Variants in PCDH11Y observed in about 807,000 individuals in gnomAD.
The protein encoded by PCDH11Y is protocadherin-11 Y-linked.
For synonymous variants in PCDH11Y, 9 were observed against 83.6 expected (o/e 0.11, Z 4.87); for missense variants, 12 against 224.8 (o/e 0.05, Z 6.05).
intron 2 of PCDH11Y, among the ~76,000 whole-genome samples, chrY:5,460,643 C>T: frequency 3.0e-5 from 1 of 32,872 alleles, no homozygotes; most frequent in African/African-American, 1.2e-4. Context: ...TTTATCTTAC[C>T]ATCTTCTCAG....
intron 4 of PCDH11Y, among the ~76,000 whole-genome samples, chrY:5,637,039 G>C: frequency 3.1e-5 from 1 of 32,360 alleles, no homozygotes; most frequent in African/African-American, 1.2e-4. Context: ...TTCTCTATTT[G>C]TAAAAAATGT....
At chrY:5,557,287 C>A (rs2053423792) in intron 3 of PCDH11Y, among the ~76,000 whole-genome samples, 1 of 33,051 alleles carries the variant, frequency 3.0e-5, no homozygotes, top group Non-Finnish European at 7.5e-5. Flanking sequence ...ATTAAGTCTT[C>A]CAATCCATGA....
At chrY:5,481,472 C>T (rs2124685802) in intron 2 of PCDH11Y, among the ~76,000 whole-genome samples, 18 of 32,842 alleles carry the variant, frequency 5.5e-4, no homozygotes, top group African/African-American at 2.0e-3. Context: ...GGAGCTGTGC[C>T]TATTCGGCCA....
At chrY:5,635,477 G>T in intron 4 of PCDH11Y, among the ~76,000 whole-genome samples, 1 of 32,804 alleles carries the variant, frequency 3.0e-5, no homozygotes, top group East Asian at 7.9e-4. Flanking sequence ...AACAGAACAG[G>T]ACTAAACAAA....
At chrY:5,284,236 A>G in intron 2 of PCDH11Y, among the ~76,000 whole-genome samples, 1 of 32,840 alleles carries the variant, frequency 3.0e-5, no homozygotes. Context: ...TCACATAAAT[A>G]TCACATTTGG....
At chrY:5,542,390 A>G (rs2053408295) in intron 3 of PCDH11Y, among the ~76,000 whole-genome samples, 1 of 32,339 alleles carries the variant, frequency 3.1e-5, no homozygotes, top group African/African-American at 1.2e-4. Flanking sequence ...ATAGAACGCA[A>G]ACTAAGATAA....
intron 2 of PCDH11Y, among the ~76,000 whole-genome samples, chrY:5,333,455 G>A (rs2053133106): frequency 3.0e-5 from 1 of 33,449 alleles, no homozygotes. Context: ...CACCTTGCCC[G>A]CTGCCTAGAC....
intron 2 of PCDH11Y, among the ~76,000 whole-genome samples, chrY:5,172,824 A>AT (rs2052888331): frequency 3.1e-5 from 1 of 31,883 alleles, no homozygotes; most frequent in Non-Finnish European, 7.7e-5. Context: ...ATTACCAAAC[A>AT]TTTTTTGAGG....
chrY:5,263,060 C>A (rs34119392), intron 2 of PCDH11Y, among the ~76,000 whole-genome samples: 39 of 33,834 alleles, frequency 1.2e-3, no homozygotes, highest in South Asian at 7.2e-3. Context: ...TCAAGAATTG[C>A]GGTTTGGGAA....
At chrY:5,174,457 C>T in intron 2 of PCDH11Y, among the ~76,000 whole-genome samples, 1 of 29,807 alleles carries the variant, frequency 3.4e-5, no homozygotes, top group Admixed American at 3.2e-4. Context: ...GTTTTTACAT[C>T]TTGAAAAATG....
At chrY:5,399,522 C>T (rs1602919389) in intron 2 of PCDH11Y, among the ~76,000 whole-genome samples, 4 of 16,864 alleles carry the variant, frequency 2.4e-4, no homozygotes, top group Non-Finnish European at 2.4e-4. Context: ...TTTTTTGAGA[C>T]GGAGTTTCAC....
intron 4 of PCDH11Y, among the ~76,000 whole-genome samples, chrY:5,719,675 C>A: frequency 3.0e-5 from 1 of 33,087 alleles, no homozygotes; most frequent in East Asian, 8.2e-4. Context: ...TCTGCTAGGG[C>A]AGTGCAGAAG....
At chrY:5,294,458 C>T (rs2124662294) in intron 2 of PCDH11Y, among the ~76,000 whole-genome samples, 1 of 31,513 alleles carries the variant, frequency 3.2e-5, no homozygotes, top group South Asian at 7.3e-4. Flanking sequence ...GGTTTTGTCA[C>T]GTTGGCCAGG....
intron 3 of PCDH11Y, among the ~76,000 whole-genome samples, chrY:5,040,011 C>T: frequency 1.9e-4 from 6 of 31,367 alleles, no homozygotes. Context: ...CATGGTGGCA[C>T]ACGCCTGTAG....
intron 2 of PCDH11Y, among the ~76,000 whole-genome samples, chrY:5,117,431 G>GTA (rs2052812141): frequency 1.2e-4 from 4 of 32,836 alleles, no homozygotes; most frequent in Admixed American, 1.1e-3. Flanking sequence ...TATAGTTTGT[G>GTA]TAGCTAAAGC....
chrY:5,668,643 C>T, intron 4 of PCDH11Y, among the ~76,000 whole-genome samples: 1 of 30,052 alleles, frequency 3.3e-5, no homozygotes, highest in Non-Finnish European at 7.9e-5. Flanking sequence ...TTAAGTGTCT[C>T]TGTTCAGTGC....
At chrY:5,007,323 G>C (rs2052541602) in intron 1 of PCDH11Y, among the ~76,000 whole-genome samples, 33 of 30,916 alleles carry the variant, frequency 1.1e-3, no homozygotes, top group South Asian at 1.0e-2. Flanking sequence ...GGGTAAATAG[G>C]AGGAAAGATA....
rs2053463214 is a variant in PCDH11Y at position 5,592,373 on chromosome Y, TA to T, written c.3352+10576del. ...CTTTTTTGTTTTCCATTTGTTTGTA[TA>T]TTTTTTTCTATTCCTTTATTTTGAG... On this transcript the variant is annotated intron_variant, in intron 4 of 4. Coordinates refer to the PCDH11Y transcript ENST00000400457. 3.0e-4 allele frequency among the ~76,000 whole-genome samples: 9 copies of T among 30,230 alleles called. No homozygotes were observed. The South Asian group carries it at 5.4e-3, about 18-fold the overall frequency. The allele number at this position is 30,230 out of a possible 37,273, so 81.1% of individuals were successfully genotyped here.
chrY:5,071,427 T>C (rs2052699396), intron 1 of PCDH11Y, among the ~76,000 whole-genome samples: 1 of 27,653 alleles, frequency 3.6e-5, no homozygotes, highest in Non-Finnish European at 8.6e-5. Context: ...TTTTTAATAG[T>C]CCAGAATTAT....
Sources: allele counts gnomAD v4.1 joint callset (sites outside exome capture counted in the v4.1 genomes callset), GRCh38; gene constraint gnomAD v4.1.1; transcripts MANE v1.5; gene names NCBI Gene and HGNC (gene_info 2026-07-23, HGNC 2026-07-21).